ZEB1: variants seen among roughly 807,000 people sequenced by gnomAD.
The protein encoded by ZEB1 is zinc finger E-box binding homeobox 1, also known as zinc finger E-box-binding homeobox 1.
Under a neutral mutation model 84.9 loss-of-function variants are expected in ZEB1, and 21 were observed. The ratio of observed to expected loss-of-function variants is 0.25; its 90% CI spans 0.18 to 0.36. The LOEUF (loss-of-function observed/expected upper bound fraction) is 0.36. Ranked by LOEUF, ZEB1 falls within the 10% of genes least tolerant of loss-of-function variation. The pLI is 1.00. For missense variants in ZEB1, 1,104 were observed against 1,330.2 expected (o/e 0.83, Z 2.65); for synonymous variants, 420 against 471.1 (o/e 0.89, Z 1.41).
chr10:31,472,374 A>T (rs1333286789), intron 2 of ZEB1, among the ~76,000 whole-genome samples: 2 of 152,176 alleles, frequency 1.3e-5, no homozygotes, highest in African/African-American at 4.8e-5. Context: ...GATAAAGGGG[A>T]TATCACCACC....
intron 2 of ZEB1, among the ~76,000 whole-genome samples, chr10:31,483,920 C>G (rs971981333): frequency 2.6e-5 from 4 of 151,990 alleles, no homozygotes; most frequent in Non-Finnish European, 5.9e-5. Flanking sequence ...TCTGTAAGTT[C>G]ATGGGGAAGA....
Position 31,333,229 on chromosome 10 carries a change from G to A in ZEB1, c.58+13937G>A, listed in dbSNP as rs140094550. 1.4e-3 allele frequency among the ~76,000 whole-genome samples: 215 copies of A among 152,184 alleles called. 1 individual carries two copies. Among genetic ancestry groups the A allele is most frequent in the African/African-American group, 5.0e-3 (206 of 41,550 alleles). ...GGTTTCACAGCAACACTCCCATCTT[G>A]TTCATTTTCACCTGAGTTGTATAGA... On this transcript the variant is annotated intron_variant, in intron 1 of 8. Transcript: ENST00000424869.
intron 1 of ZEB1, among the ~76,000 whole-genome samples, chr10:31,369,951 TAA>T (rs1445414557): frequency 6.6e-6 from 1 of 152,226 alleles, no homozygotes; most frequent in Non-Finnish European, 1.5e-5. Context: ...AATTCTCTAG[TAA>T]TTAGTGATGC....
In ZEB1 at chr10:31,408,248, TACAA is replaced by T. The variant is rs1282434618; in HGVS notation, c.59-52783_59-52780del. On this transcript the variant is annotated intron_variant, in intron 1 of 8. Transcript: ENST00000424869. ...CACTGGTCAAGGAAATAAAAGAGGA[TACAA>T]ACAAATGGAAGAACATTCCATGCTC... Among the ~76,000 whole-genome samples, 4 of 150,190 alleles carry T rather than the reference TACAA, an allele frequency of 2.7e-5. No homozygotes were observed. In the East Asian group the frequency reaches 5.9e-4, roughly 22 times the overall value.
intron 1 of ZEB1, among the ~76,000 whole-genome samples, chr10:31,404,788 G>A (rs1431856992): frequency 6.6e-6 from 1 of 152,066 alleles, no homozygotes; most frequent in Non-Finnish European, 1.5e-5. Context: ...ATGAATGTAA[G>A]CCATGTGGTG....
At position 31,443,658 on chromosome 10, in the gene ZEB1, C is replaced by T. The variant is rs535232857; in HGVS notation, c.59-17379C>T. 8.2e-3 allele frequency among the ~76,000 whole-genome samples: 1,201 copies of T among 147,316 alleles called. 21 individuals carry two copies. The highest frequency in any genetic ancestry group is 0.026 in the African/African-American group (1,041 of 39,322). ...ATTCCCACCTATGAGTGAGAATATG[C>T]GGTGTTTGGTTTTTTGTTCTTGCGA... On this transcript the variant is annotated intron_variant, in intron 1 of 8. Transcript: ENST00000424869.
At chr10:31,345,718 G>C (rs1269285748) in intron 1 of ZEB1, among the ~76,000 whole-genome samples, 1 of 152,124 alleles carries the variant, frequency 6.6e-6, no homozygotes, top group African/African-American at 2.4e-5. Flanking sequence ...CATTTATAGA[G>C]ATCATCTTGT....
At chr10:31,385,427 T>G (rs989409291) in intron 1 of ZEB1, among the ~76,000 whole-genome samples, 2 of 152,240 alleles carry the variant, frequency 1.3e-5, no homozygotes, top group African/African-American at 4.8e-5. Flanking sequence ...TTAGATTTTT[T>G]TAAAGTATAC....
chr10:31,501,331 C>A (rs757493814), intron 3 of ZEB1, among the ~76,000 whole-genome samples: 2 of 152,152 alleles, frequency 1.3e-5, no homozygotes, highest in Non-Finnish European at 2.9e-5. Flanking sequence ...CTTGGCAGCA[C>A]GCTGGGCTAC....
chr10:31,449,105 T>C (rs1178114118), intron 1 of ZEB1, among the ~76,000 whole-genome samples: 1 of 152,250 alleles, frequency 6.6e-6, no homozygotes, highest in Non-Finnish European at 1.5e-5. Flanking sequence ...GTGTGGGATA[T>C]AGTCTCATGG....
intron 1 of ZEB1, among the ~76,000 whole-genome samples, chr10:31,369,350 C>T (rs1275956610): frequency 6.6e-6 from 1 of 152,188 alleles, no homozygotes; most frequent in African/African-American, 2.4e-5. Context: ...CCTTGATCAA[C>T]TCCCCCCACC....
intron 7 of ZEB1, among the ~76,000 whole-genome samples, chr10:31,522,878 T>C (rs1397574313): frequency 1.3e-5 from 2 of 152,258 alleles, no homozygotes. Context: ...GTGATAACTC[T>C]TGAAAAAAAG....
At chr10:31,475,293 G>T (rs1354942617) in intron 2 of ZEB1, among the ~76,000 whole-genome samples, 1 of 151,580 alleles carries the variant, frequency 6.6e-6, no homozygotes, top group Non-Finnish European at 1.5e-5. Flanking sequence ...AGAAATACAG[G>T]ATTATGTAAA....
At chr10:31,491,790 A>G (rs1652721926) in intron 2 of ZEB1, among the ~76,000 whole-genome samples, 1 of 151,912 alleles carries the variant, frequency 6.6e-6, no homozygotes. Context: ...TTTAATCATT[A>G]TCTAAGTTAA....
intron 1 of ZEB1, among the ~76,000 whole-genome samples, chr10:31,391,671 T>C (rs1455483816): frequency 6.6e-6 from 1 of 152,200 alleles, no homozygotes; most frequent in African/African-American, 2.4e-5. Context: ...TTTTTCACTT[T>C]TATTCTCAAG....
At chr10:31,465,810 G>T (rs1054198702) in intron 2 of ZEB1, among the ~76,000 whole-genome samples, 12 of 151,740 alleles carry the variant, frequency 7.9e-5, no homozygotes, top group African/African-American at 2.7e-4. Flanking sequence ...TTCATGGAAA[G>T]ATGGGGTCTT....
chr10:31,523,948 A>G lies in ZEB1; in HGVS notation c.2620A>G (p.Thr874Ala), dbSNP rs369581136. The change falls in exon 8 of 9, where the codon ACT (threonine) becomes GCT (alanine). Residue 874 changes from threonine to alanine, a missense_variant. Physicochemically the swap from Thr to Ala is moderately conservative, Grantham distance 58. This residue lies in a region of ZEB1 where 531 missense variants were observed against 575.2 expected (regional missense o/e 0.92). Coordinates refer to ENST00000424869, the MANE Select transcript of ZEB1 (RefSeq NM_001174096.2). ...PNGNQDERQD[T>A]SSEGVSNVED... is the part of the protein sequence containing the mutation. Reference sequence around the variant, plus strand: ...CTCCCTCTAGGATGAAAGACAAGATACTAGCTCAGAAGGAGTATCAAATGT... The same window carrying G: ...CTCCCTCTAGGATGAAAGACAAGATGCTAGCTCAGAAGGAGTATCAAATGT... 1.4e-5 allele frequency: 22 copies of G among 1,613,864 alleles called. No individual in the cohort carries two copies. In the African/African-American group the frequency reaches 2.8e-4, roughly 21 times the overall value.
chr10:31,384,177 T>C (rs1024771052), intron 1 of ZEB1, among the ~76,000 whole-genome samples: 6 of 151,986 alleles, frequency 3.9e-5, no homozygotes, highest in South Asian at 2.1e-4. Flanking sequence ...GGTTTCTCCA[T>C]GTTTCCCAGG....
intron 1 of ZEB1, among the ~76,000 whole-genome samples, chr10:31,458,431 T>C (rs2061486831): frequency 6.6e-6 from 1 of 151,760 alleles, no homozygotes; most frequent in Non-Finnish European, 1.5e-5. Flanking sequence ...CTTAAGCTTA[T>C]AGTCAGCTGT....
Sources: gnomAD v4.1 joint callset for allele counts (sites outside exome capture counted in the v4.1 genomes callset) on GRCh38, gnomAD v4.1.1 for gene constraint, gnomAD v4.1.1 regional missense constraint, MANE v1.5 for transcripts, NCBI Gene and HGNC (gene_info 2026-07-23, HGNC 2026-07-21) for gene names.